Variants in SGTA observed in about 807,000 individuals in gnomAD.
The protein encoded by SGTA is small glutamine rich tetratricopeptide repeat co-chaperone alpha, also known as small glutamine-rich tetratricopeptide repeat-containing protein alpha.
SGTA carries 22 observed loss-of-function variants against 44.3 expected under a neutral mutation model. The ratio of observed to expected loss-of-function variants is 0.50; its 90% CI spans 0.36 to 0.71. The LOEUF is 0.71. SGTA is among the 30% of genes least tolerant of loss of function. The pLI is 0.00. For synonymous variants in SGTA, 174 were observed against 177.6 expected (o/e 0.98, Z 0.16); for missense variants, 341 against 435.9 (o/e 0.78, Z 1.94).
rs149116209 is a variant in SGTA, at chr19:2,765,224, G to A, written c.354C>T (p.Ile118=). 819 of 1,614,098 alleles carry A rather than the reference G, an allele frequency of 5.1e-4. 1 individual carries two copies. The highest frequency in any genetic ancestry group is 2.0e-3 in the East Asian group (89 of 44,886). Reference sequence around the variant, plus strand: ...AGACGGCGTTGGCTGGGTTGAGCTCGATGGCTTTTCCGTAGAAATGCACGG... The same window carrying A: ...AGACGGCGTTGGCTGGGTTGAGCTCAATGGCTTTTCCGTAGAAATGCACGG... ...EAAVHFYGKA[I]ELNPANAVYF... is the part of the protein sequence containing the mutation. The change falls in exon 5 of 12, where the codon ATC becomes ATT. Residue 118 remains isoleucine (I), a synonymous_variant. Transcript: ENST00000221566. This position sits in a 1 kb window ranked among gnomAD's most constrained non-coding sequence, Gnocchi z 5.5.
Position 2,755,833 on chromosome 19 carries a change from T to C in SGTA, c.*107A>G. On this transcript the variant is annotated 3_prime_UTR_variant, in exon 12 of 12. Transcript: ENST00000221566. This position sits in a 1 kb window ranked among gnomAD's most constrained non-coding sequence, Gnocchi z 5.2. The stretch of plus-strand genomic sequence containing the variant: ...TCTTGACATGCAGGTCCGAGGTCTC[T>C]CTCTTCCCCTCTCTCAGGCAGTCCA... 1 of 985,466 alleles carries C rather than the reference T, an allele frequency of 1.0e-6. No homozygotes were observed. The highest frequency in any genetic ancestry group is 1.2e-6 in the Non-Finnish European group (1 of 829,972). 61.0% of individuals were successfully genotyped at this position (985,466 alleles called of 1,614,324 possible).
At chr19:2,762,044 G>A (rs974880365) in intron 7 of SGTA, among the ~76,000 whole-genome samples, 1 of 152,050 alleles carries the variant, frequency 6.6e-6, no homozygotes, top group Non-Finnish European at 1.5e-5. Flanking sequence ...ACCCAGAAAC[G>A]CACCTTTGAA....
intron 9 of SGTA, 93 bp downstream of exon 9, chr19:2,759,164 T>G: frequency 8.4e-7 from 1 of 1,186,616 alleles, no homozygotes; most frequent in East Asian, 2.3e-5. Flanking sequence ...AGTTGCACAC[T>G]TTAAAGTGGT....
intron 11 of SGTA, 60 bp downstream of exon 11, chr19:2,757,277 G>T: frequency 6.4e-7 from 1 of 1,569,408 alleles, no homozygotes; most frequent in South Asian, 1.2e-5. Context: ...CTCACTGCCA[G>T]GCACTCACGT....
At position 2,767,813 on chromosome 19, in the gene SGTA, A is replaced by C; in HGVS notation, c.101-127T>G. The stretch of plus-strand genomic sequence containing the variant: ...TTCATTCCCAAGGACCCCAGAACGC[A>C]GGGGCCGCCGCCTGTGCTCTGGGCT... On this transcript the variant is annotated intron_variant, in intron 2 of 11. Coordinates refer to ENST00000221566, the MANE Select transcript of SGTA (RefSeq NM_003021.4). The surrounding 1 kb of genome is among the most constrained non-coding windows in gnomAD (Gnocchi z 7.3). 1 of 711,416 alleles carries C rather than the reference A, an allele frequency of 1.4e-6. No homozygotes were observed. Among genetic ancestry groups the C allele is most frequent in the Non-Finnish European group, 2.5e-6 (1 of 400,056 alleles). The allele number at this position is 711,416 out of a possible 1,614,324, so 44.1% of individuals were successfully genotyped here.
Position 2,757,792 on chromosome 19 carries a change from A to G in SGTA, c.738-10T>C. The G allele has an allele frequency of 1.3e-6, 2 of 1,562,430 alleles. No individual in the cohort carries two copies. Among genetic ancestry groups the G allele is most frequent in the Non-Finnish European group, 1.7e-6 (2 of 1,153,700 alleles). ...AATCATGCCGGACATGCTGCAGGAG[A>G]GAGCGCGTGACTCGCAGCCGGGACA... is the stretch of plus-strand genomic sequence containing the variant. On this transcript the variant is annotated splice_polypyrimidine_tract_variant and intron_variant, in intron 9 of 11. Transcript: ENST00000221566.
Position 2,767,271 on chromosome 19 carries a change from C to T in SGTA, c.208-51G>A, listed in dbSNP as rs890678241. On this transcript the variant is annotated intron_variant, in intron 3 of 11. Transcript: ENST00000221566. The surrounding 1 kb of genome is among the most constrained non-coding windows in gnomAD (Gnocchi z 7.3). ...GCTGTCCTCTCCTCCCAACCTGGCA[C>T]CCTCCGGCCTTAGCTTCCCTCGGGA... is the stretch of plus-strand genomic sequence containing the variant. 1.7e-5 allele frequency: 25 copies of T among 1,438,966 alleles called. No individual in the cohort carries two copies. The highest frequency in any genetic ancestry group is 2.2e-5 in the Non-Finnish European group (23 of 1,043,752). The allele number at this position is 1,438,966 out of a possible 1,614,324, so 89.1% of individuals were successfully genotyped here.
chr19:2,775,397 G>A (rs1268902686), intron 1 of SGTA, among the ~76,000 whole-genome samples: 1 of 152,202 alleles, frequency 6.6e-6, no homozygotes, highest in Admixed American at 6.5e-5. Flanking sequence ...GGCCCGCCAC[G>A]CTTTAAACAG....
intron 1 of SGTA, among the ~76,000 whole-genome samples, chr19:2,771,283 G>T (rs1319373723): frequency 6.6e-6 from 1 of 152,186 alleles, no homozygotes; most frequent in Non-Finnish European, 1.5e-5. Context: ...AAATTAGCTG[G>T]CATGGTGGCA....
chr19:2,769,974 C>A (rs1316209012), intron 1 of SGTA, among the ~76,000 whole-genome samples: 1 of 93,926 alleles, frequency 1.1e-5, no homozygotes, highest in African/African-American at 4.4e-5. Flanking sequence ...TAGTTCCCCC[C>A]TCGGACACCC....
At position 2,755,638 on chromosome 19, in the gene SGTA, C is replaced by CT; in HGVS notation, c.*301_*302insA. The CT allele has an allele frequency of 5.1e-6, 5 of 985,446 alleles. No homozygotes were observed. The highest frequency in any genetic ancestry group is 6.0e-6 in the Non-Finnish European group (5 of 829,938). 61.0% of individuals were successfully genotyped at this position (985,446 alleles called of 1,614,324 possible). A position where few individuals can be genotyped will look rare whatever the true frequency, so the allele number is the denominator to read the frequency against. ...CTTCTCTGAGAGCGGCCCGGGAGCA[C>CT]CCCAGGATTCTAGAAAACACTCAAG... is the stretch of plus-strand genomic sequence containing the variant. On this transcript the variant is annotated 3_prime_UTR_variant, in exon 12 of 12. Transcript: ENST00000221566. The surrounding 1 kb of genome is among the most constrained non-coding windows in gnomAD (Gnocchi z 5.2).
intron 9 of SGTA, 58 bp downstream of exon 9, chr19:2,759,199 C>T: frequency 6.6e-7 from 1 of 1,511,424 alleles, no homozygotes; most frequent in Non-Finnish European, 9.2e-7. Context: ...GTGAATTTAC[C>T]CACAATAAAA....
At chr19:2,778,609 G>A (rs1044831006) in intron 1 of SGTA, among the ~76,000 whole-genome samples, 14 of 151,772 alleles carry the variant, frequency 9.2e-5, no homozygotes, top group Non-Finnish European at 1.9e-4. Flanking sequence ...CCCCAGCTTA[G>A]ACACCCTGGG....
chr19:2,766,732 G>A (rs1174401879), intron 4 of SGTA, among the ~76,000 whole-genome samples: 7 of 152,028 alleles, frequency 4.6e-5, no homozygotes, highest in Admixed American at 2.0e-4. Flanking sequence ...CACCGCGCCC[G>A]GCCTCTTCTT....
At chr19:2,762,056 TACAA>T (rs1333466889) in intron 7 of SGTA, among the ~76,000 whole-genome samples, 9 of 152,036 alleles carry the variant, frequency 5.9e-5, no homozygotes, top group Middle Eastern at 3.4e-3. Context: ...ACCTTTGAAA[TACAA>T]ACAAACTAAC....
At chr19:2,773,766 A>G (rs1915369686) in intron 1 of SGTA, among the ~76,000 whole-genome samples, 1 of 65,268 alleles carries the variant, frequency 1.5e-5, no homozygotes, top group Non-Finnish European at 2.5e-5. Flanking sequence ...ACGCGGCCAC[A>G]CGGCGGGGAC....
At chr19:2,762,154 G>A (rs1044189040) in intron 7 of SGTA, among the ~76,000 whole-genome samples, 1 of 152,142 alleles carries the variant, frequency 6.6e-6, no homozygotes, top group Non-Finnish European at 1.5e-5. Context: ...CAGGGACCAG[G>A]CAACCAGGGG....
intron 1 of SGTA, among the ~76,000 whole-genome samples, chr19:2,771,177 G>A (rs1040205046): frequency 6.6e-6 from 1 of 152,238 alleles, no homozygotes; most frequent in Non-Finnish European, 1.5e-5. Context: ...TGTAATCCCA[G>A]CACTTTGGGA....
intron 5 of SGTA, among the ~76,000 whole-genome samples, chr19:2,764,447 G>T (rs1465059221): frequency 6.6e-6 from 1 of 152,330 alleles, no homozygotes; most frequent in East Asian, 1.9e-4. Context: ...GCCCAGGCTG[G>T]AGTGCAGTGA....
Sources: gnomAD v4.1 joint callset for allele counts (sites outside exome capture counted in the v4.1 genomes callset) on GRCh38, gnomAD v4.1.1 for gene constraint, Gnocchi (gnomAD v3.1) non-coding constraint, MANE v1.5 for transcripts, NCBI Gene and HGNC (gene_info 2026-07-23, HGNC 2026-07-21) for gene names.